The following IFT122 variants were observed in gnomAD, a reference collection of about 807,000 sequenced individuals.
The protein encoded by IFT122 is intraflagellar transport protein 122 homolog.
In IFT122, 118 loss-of-function variants were observed where a neutral mutation model predicts 161.6. The observed-to-expected ratio is 0.73, with a 90% CI of 0.63 to 0.85. The LOEUF (loss-of-function observed/expected upper bound fraction) is 0.85. Ranked by LOEUF, IFT122 falls within the 40% of genes least tolerant of loss-of-function variation. The probability of loss-of-function intolerance (pLI) is 0.00; values close to 1 mark genes in which losing one functional copy is unlikely to be tolerated. For missense variants in IFT122, 1,381 were observed against 1,579.6 expected, an observed-to-expected ratio of 0.87 and a Z score of 2.13; for synonymous variants, 550 against 602.4, an observed-to-expected ratio of 0.91 and a Z score of 1.27.
chr3:129,469,086 G>A (rs1326152369), intron 8 of IFT122, among the ~76,000 whole-genome samples: 1 of 152,148 alleles, frequency 6.6e-6, no homozygotes, highest in Non-Finnish European at 1.5e-5. Flanking sequence ...CTGCAGCAGT[G>A]TCCCCAGCAC....
At position 129,502,180 on chromosome 3, in the gene IFT122, C is replaced by G. The variant is rs2081629043; in HGVS notation, c.2376-531C>G. On this transcript the variant is annotated intron_variant, in intron 19 of 29. Transcript: ENST00000348417. ...CCTTTGTCCAGAGCTCAGAGCAGGC[C>G]CCACACTCACCTCTTCCTTTAGAGG... 3.9e-5 allele frequency among the ~76,000 whole-genome samples: 6 copies of G among 152,152 alleles called. No homozygotes were observed. In the South Asian group the frequency reaches 1.2e-3, roughly 32 times the overall value.
rs143662777 is a variant in IFT122, at chr3:129,495,564, C to A, written c.2165C>A (p.Ala722Glu). 1 of 1,614,064 alleles carries A rather than the reference C, an allele frequency of 6.2e-7. No individual in the cohort carries two copies. Among genetic ancestry groups the A allele is most frequent in the African/African-American group, 1.3e-5 (1 of 74,912 alleles). ...LYKRSGHENL[A>E]LEMYTDLCMF... ...AAGAGGAGTGGGCACGAGAACCTCG[C>A]GCTTGAAATGTACACCGACCTCTGC... The change falls in exon 18 of 30, where the codon GCG becomes GAG. Residue 722 changes from alanine (A) to glutamate (E), a missense_variant. This residue lies in a region of IFT122 where 496 missense variants were observed against 502.5 expected (regional missense o/e 0.99). Coordinates refer to ENST00000348417, the MANE Select transcript of IFT122 (RefSeq NM_052989.3).
rs749062786 is a variant in IFT122 at position 129,514,402 on chromosome 3, AC to A, written c.3003del (p.Leu1002TrpfsTer39). 1.2e-6 allele frequency: 2 copies of A among 1,613,742 alleles called. No individual in the cohort carries two copies. Among genetic ancestry groups the A allele is most frequent in the Non-Finnish European group, 1.7e-6 (2 of 1,179,948 alleles). On this transcript the variant is annotated frameshift_variant, in exon 25 of 30. Transcript: ENST00000348417. LOFTEE classifies it high-confidence loss of function. Reference protein sequence around the residue: ...SGISKVKILFTLAKQSKALGA... With the variant: ...SGISKVKILFXLAKQSKALGA... ...TGTTCACGGCAGGAAAATACTCTTC[AC>A]CTTGGCCAAGCAGAGCAAGGCCCTC...
chr3:129,453,719 T>A (rs2075126564), intron 3 of IFT122, among the ~76,000 whole-genome samples: 1 of 152,206 alleles, frequency 6.6e-6, no homozygotes, highest in Admixed American at 6.5e-5. Flanking sequence ...TAGTAGGTTC[T>A]GGTGGTGTTG....
intron 15 of IFT122, chr3:129,484,007 A>G (rs753329365): frequency 4.6e-4 from 188 of 407,896 alleles, no homozygotes; most frequent in Non-Finnish European, 7.7e-4. Flanking sequence ...TGAGCAGCAA[A>G]GCCGGGAGTC....
Position 129,519,115 on chromosome 3 carries a change from A to G in IFT122, c.3400A>G (p.Ile1134Val), listed in dbSNP as rs754333037. 6 of 1,614,024 alleles carry G rather than the reference A, an allele frequency of 3.7e-6. No individual in the cohort carries two copies. In the Admixed American group the frequency reaches 1.0e-4, roughly 27 times the overall value. ...QLEIANNSSQILRLVETKDSI... is the reference protein window; with the variant it reads ...QLEIANNSSQVLRLVETKDSI... ...TGACCAGATCCCTCCAGGCTCCCAG[A>G]TTCTGCGGCTAGTGGAGACCAAGGA... Residue 1134 changes from isoleucine (I) to valine (V), a missense_variant, in exon 28 of 30, where the codon ATT becomes GTT. This residue lies in a region of IFT122 where 177 missense variants were observed against 199.2 expected (regional missense o/e 0.89). Transcript: ENST00000348417.
intron 13 of IFT122, among the ~76,000 whole-genome samples, chr3:129,480,678 C>T: frequency 6.6e-6 from 1 of 152,128 alleles, no homozygotes; most frequent in East Asian, 1.9e-4. Flanking sequence ...GCTCTCACTT[C>T]CAATGGGAGC....
In IFT122 at chr3:129,443,217, G is replaced by A. The variant is rs371692313; in HGVS notation, c.41+2846G>A. On this transcript the variant is annotated intron_variant, in intron 1 of 29. Transcript: ENST00000348417. ...CATAAGTTACCTAAGATTACAAAAT[G>A]AGTAAGTGGGGCTGGGTCAGATGAT... Among the ~76,000 whole-genome samples, 13 of 152,366 alleles carry A rather than the reference G, an allele frequency of 8.5e-5. No individual in the cohort carries two copies. The East Asian group carries it at 1.7e-3, about 20-fold the overall frequency.
intron 26 of IFT122, 139 bp from the exon 27 acceptor site, chr3:129,517,330 G>C: frequency 9.9e-7 from 1 of 1,012,226 alleles, no homozygotes; most frequent in Admixed American, 2.0e-5. Context: ...CACATACAGA[G>C]ACTGCCCCTG....
Position 129,506,537 on chromosome 3 carries a change from G to A in IFT122, c.2779G>A (p.Asp927Asn), listed in dbSNP as rs895964109. ...YYWMLSMQCL[D>N]IAQDPAQKDT... ...CTGGATGCTGTCCATGCAGTGCCTC[G>A]ATATAGCTCAAGGTGTGTAAACATC... Residue 927 changes from aspartate (D) to asparagine (N), a missense_variant, in exon 22 of 30, where the codon GAT becomes AAT. Asp to Asn is a conservative substitution (Grantham distance 23, BLOSUM62 1). This residue lies in a region of IFT122 where 496 missense variants were observed against 502.5 expected (regional missense o/e 0.99). Coordinates refer to ENST00000348417, the MANE Select transcript of IFT122 (RefSeq NM_052989.3). 1.9e-6 allele frequency: 3 copies of A among 1,614,046 alleles called. No individual in the cohort carries two copies. Among genetic ancestry groups the A allele is most frequent in the African/African-American group, 1.3e-5 (1 of 74,900 alleles).
Position 129,495,349 on chromosome 3 carries a change from C to G in IFT122, c.2047-97C>G, listed in dbSNP as rs534527151. On this transcript the variant is annotated intron_variant, in intron 17 of 29. Transcript: ENST00000348417. ...AAGCCCAGGTTCCAGTAGGAAGGCC[C>G]AGGGGCCTCACTTGAAATAGCCACA... is the stretch of plus-strand genomic sequence containing the variant. 2.5e-4 allele frequency: 384 copies of G among 1,531,274 alleles called. 6 individuals carry two copies. In the South Asian group the frequency reaches 4.4e-3, roughly 18 times the overall value. 94.9% of individuals were successfully genotyped at this position (1,531,274 alleles called of 1,614,324 possible). A position where few individuals can be genotyped will look rare whatever the true frequency, so the allele number is the denominator to read the frequency against.
intron 27 of IFT122, among the ~76,000 whole-genome samples, chr3:129,518,075 C>T (rs2084225653): frequency 6.6e-6 from 1 of 152,380 alleles, no homozygotes; most frequent in South Asian, 2.1e-4. Flanking sequence ...TCTGGTCGGT[C>T]ACAGGCTGGC....
At chr3:129,450,713 GTTT>G (rs747032492) in intron 2 of IFT122, among the ~76,000 whole-genome samples, 6 of 80,964 alleles carry the variant, frequency 7.4e-5, no homozygotes, top group Non-Finnish European at 1.4e-4. Flanking sequence ...GTGTGTGTGT[GTTT>G]TTTTTTTTTT....
intron 18 of IFT122, among the ~76,000 whole-genome samples, chr3:129,498,399 A>G (rs2081142781): frequency 6.6e-6 from 1 of 152,192 alleles, no homozygotes; most frequent in South Asian, 2.1e-4. Flanking sequence ...TGGCATAGAG[A>G]ATCCGCGCCA....
chr3:129,457,410 CT>C (rs1384259420), intron 3 of IFT122, among the ~76,000 whole-genome samples: 1 of 152,202 alleles, frequency 6.6e-6, no homozygotes, highest in Non-Finnish European at 1.5e-5. Flanking sequence ...CCACCTCACC[CT>C]TCCCTCCGTT....
chr3:129,452,417 A>C (rs917977422), intron 3 of IFT122, among the ~76,000 whole-genome samples: 1 of 26,496 alleles, frequency 3.8e-5, no homozygotes, highest in Non-Finnish European at 7.3e-5. Context: ...AGTGCTGGGC[A>C]GGGCAGGGGG....
At chr3:129,505,009 G>A (rs186256435) in intron 21 of IFT122, among the ~76,000 whole-genome samples, 15 of 152,288 alleles carry the variant, frequency 9.8e-5, no homozygotes, top group African/African-American at 2.9e-4. Context: ...TGCACACAGC[G>A]TACAACAGCA....
chr3:129,459,213 G>A (rs1254403066), intron 4 of IFT122: 4 of 433,556 alleles, frequency 9.2e-6, no homozygotes, highest in Non-Finnish European at 1.8e-5. Context: ...GCAGTTTTAG[G>A]TTTATTCTGG....
chr3:129,458,675 C>T lies in IFT122; in HGVS notation c.270C>T (p.Tyr90=), dbSNP rs1559861425. The T allele has an allele frequency of 6.2e-7, 1 of 1,605,716 alleles. No individual in the cohort carries two copies. The highest frequency in any genetic ancestry group is 1.3e-5 in the African/African-American group (1 of 74,852). ...CAAAACTGGAAGGCATTCTGAAGTA[C>T]ACGTAAGTAACTTAGGTGTACAGTA... ...WTSKLEGILK[Y]THNDAIQCVS... Residue 90 remains tyrosine, a splice_region_variant and synonymous_variant, in exon 4 of 30, where the codon TAC becomes TAT. Transcript: ENST00000348417.
Sources: allele counts gnomAD v4.1 joint callset (sites outside exome capture counted in the v4.1 genomes callset), GRCh38; gene constraint gnomAD v4.1.1; regional missense constraint gnomAD v4.1.1; transcripts MANE v1.5; gene names NCBI Gene and HGNC (gene_info 2026-07-23, HGNC 2026-07-21).